The following DAOA variants were observed in gnomAD, a reference collection of about 807,000 sequenced individuals.
DAOA encodes the protein D-amino acid oxidase regulator.
Under a neutral mutation model 16.4 loss-of-function variants are expected in DAOA, and 15 were observed. That is an observed-to-expected ratio of 0.91 (90% confidence interval 0.61 to 1.41). The LOEUF (loss-of-function observed/expected upper bound fraction) is 1.41, where lower values mean the gene tolerates loss of function less well. Among genes scored for constraint, DAOA ranks in the 40% most tolerant of loss-of-function variants. DAOA has a pLI of 0.00. For missense variants in DAOA, 230 were observed against 176.8 expected, an observed-to-expected ratio of 1.30 and a Z score of -1.71; for synonymous variants, 75 against 59.1, an observed-to-expected ratio of 1.27 and a Z score of -1.23.
At chr13:105,478,411 G>T (rs1877491994) in intron 4 of DAOA, among the ~76,000 whole-genome samples, 1 of 152,156 alleles carries the variant, frequency 6.6e-6, no homozygotes, top group African/African-American at 2.4e-5. Context: ...GAACAGAGCA[G>T]ATGCATACTC....
At chr13:105,472,741 T>G in intron 4 of DAOA, 56 bp downstream of exon 4, 1 of 1,523,936 alleles carries the variant, frequency 6.6e-7, no homozygotes, top group South Asian at 1.3e-5. Flanking sequence ...ATGCTAATGT[T>G]GGAACTTACG....
intron 4 of DAOA, among the ~76,000 whole-genome samples, chr13:105,473,633 G>T (rs79696329): frequency 0.015 from 2,351 of 152,150 alleles, 29 homozygotes; most frequent in African/African-American, 0.03. Flanking sequence ...AAATGGAAAA[G>T]TCACTCACTG....
chr13:105,466,098 G>T (rs1876491496), intron 1 of DAOA, 38 bp downstream of exon 1: 2 of 782,014 alleles, frequency 2.6e-6, no homozygotes, highest in Non-Finnish European at 3.9e-6. Context: ...CAGTGAGCAA[G>T]TTTATCAGCT....
chr13:105,481,405 T>C (rs1877735496), intron 4 of DAOA, among the ~76,000 whole-genome samples: 1 of 152,120 alleles, frequency 6.6e-6, no homozygotes, highest in Non-Finnish European at 1.5e-5. Context: ...CAAACCCCTA[T>C]AACTCCAGGG....
chr13:105,472,767 G>A lies in DAOA; in HGVS notation c.281+82G>A, dbSNP rs149516039. Reference sequence around the variant, plus strand: ...GGAACTTACGAAAGCAACTTCTCTGGGCTTTTTAATATTAGATTATACTTC... The same window carrying A: ...GGAACTTACGAAAGCAACTTCTCTGAGCTTTTTAATATTAGATTATACTTC... On this transcript the variant is annotated intron_variant, in intron 4 of 5. Coordinates refer to ENST00000375936, the MANE Select transcript of DAOA (RefSeq NM_172370.5). 1.7e-4 allele frequency: 218 copies of A among 1,312,956 alleles called. No homozygotes were observed. In the African/African-American group the frequency reaches 2.7e-3, roughly 16 times the overall value. The allele number at this position is 1,312,956 out of a possible 1,614,324, so 81.3% of individuals were successfully genotyped here.
chr13:105,486,824 T>C (rs191459503), intron 4 of DAOA, among the ~76,000 whole-genome samples: 10 of 152,230 alleles, frequency 6.6e-5, no homozygotes, highest in Non-Finnish European at 1.5e-5. Context: ...TTCACCATGT[T>C]GGCCCAGCTG....
At chr13:105,484,324 C>T (rs1032498624) in intron 4 of DAOA, among the ~76,000 whole-genome samples, 14 of 151,862 alleles carry the variant, frequency 9.2e-5, no homozygotes, top group African/African-American at 2.9e-4. Context: ...AATTCTTTTG[C>T]GTTTACATAG....
chr13:105,466,360 T>C (rs751554720), intron 2 of DAOA, 28 bp downstream of exon 2: 1 of 1,613,900 alleles, frequency 6.2e-7, no homozygotes, highest in South Asian at 1.1e-5. Flanking sequence ...TTTTACAGCA[T>C]GGCGGCCTCA....
At chr13:105,487,820 T>C (rs1300991275) in intron 4 of DAOA, among the ~76,000 whole-genome samples, 1 of 152,224 alleles carries the variant, frequency 6.6e-6, no homozygotes, top group Non-Finnish European at 1.5e-5. Context: ...CCTGTTTCTA[T>C]AATTGCCTGA....
intron 5 of DAOA, 193 bp from the exon 6 acceptor site, chr13:105,490,719 G>A (rs1054572582): frequency 6.6e-6 from 1 of 151,926 alleles, no homozygotes; most frequent in African/African-American, 2.4e-5. Flanking sequence ...TTAACAAAAA[G>A]AGAAAATAAT....
chr13:105,476,060 G>A (rs926415656), intron 4 of DAOA, among the ~76,000 whole-genome samples: 4 of 152,056 alleles, frequency 2.6e-5, no homozygotes, highest in African/African-American at 7.2e-5. Context: ...ATATTTATTG[G>A]AGGGTCTCAT....
At chr13:105,466,450 T>G in intron 2 of DAOA, 118 bp downstream of exon 2, 1 of 1,542,470 alleles carries the variant, frequency 6.5e-7, no homozygotes, top group Non-Finnish European at 8.8e-7. Context: ...CATGTCAGGG[T>G]TGGAAGCCTG....
chr13:105,481,331 T>A (rs368972234), intron 4 of DAOA, among the ~76,000 whole-genome samples: 2 of 152,048 alleles, frequency 1.3e-5, no homozygotes, highest in African/African-American at 4.8e-5. Context: ...AGATTTGGGG[T>A]CTTAACTTGG....
At chr13:105,488,562 A>G (rs1259462558) in intron 4 of DAOA, among the ~76,000 whole-genome samples, 2 of 152,232 alleles carry the variant, frequency 1.3e-5, no homozygotes, top group Non-Finnish European at 2.9e-5. Context: ...CAATTATTTC[A>G]AAATATTCCA....
intron 4 of DAOA, among the ~76,000 whole-genome samples, chr13:105,479,567 A>G (rs1877565545): frequency 6.6e-6 from 1 of 152,164 alleles, no homozygotes; most frequent in South Asian, 2.1e-4. Context: ...TCCTTGGCTG[A>G]CAGGCACATC....
chr13:105,481,638 C>G (rs142974334), intron 4 of DAOA, among the ~76,000 whole-genome samples: 2 of 152,300 alleles, frequency 1.3e-5, no homozygotes, highest in Non-Finnish European at 2.9e-5. Context: ...GCTCTTATCT[C>G]TCCAATGAGG....
intron 4 of DAOA, among the ~76,000 whole-genome samples, chr13:105,489,187 TAGAG>T (rs1488781464): frequency 6.6e-6 from 1 of 152,142 alleles, no homozygotes; most frequent in African/African-American, 2.4e-5. Flanking sequence ...ATTTTCCTGA[TAGAG>T]AGAGTAACAT....
chr13:105,475,199 G>A (rs1447967242), intron 4 of DAOA: 1 of 238,916 alleles, frequency 4.2e-6, no homozygotes, highest in Non-Finnish European at 6.8e-6. Context: ...TATCCACTGT[G>A]GCTTTTACCA....
intron 4 of DAOA, among the ~76,000 whole-genome samples, chr13:105,483,123 G>T (rs966117701): frequency 1.3e-5 from 2 of 151,978 alleles, no homozygotes; most frequent in Admixed American, 1.3e-4. Context: ...CTGGAGTAAG[G>T]TATAAACAGG....
Sources: gnomAD v4.1 joint callset for allele counts (sites outside exome capture counted in the v4.1 genomes callset) on GRCh38, gnomAD v4.1.1 for gene constraint, MANE v1.5 for transcripts, NCBI Gene and HGNC (gene_info 2026-07-23, HGNC 2026-07-21) for gene names.